Variants in AP1S2 observed in about 807,000 individuals in gnomAD.
The protein encoded by AP1S2 is adaptor related protein complex 1 subunit sigma 2.
In AP1S2, 1 loss-of-function variant was observed where a neutral mutation model predicts 14.3. The ratio of observed to expected loss-of-function variants is 0.07; its 90% CI spans 0.02 to 0.33. The LOEUF (loss-of-function observed/expected upper bound fraction) is 0.33, where lower values mean the gene tolerates loss of function less well. Among genes scored for constraint, AP1S2 ranks in the 10% least tolerant of loss-of-function variants. The pLI, the probability that AP1S2 is intolerant of heterozygous loss-of-function variation, is 0.99. For missense variants in AP1S2, 30 were observed against 117.7 expected (o/e 0.25, Z 3.45); for synonymous variants, 30 against 40.5 (o/e 0.74, Z 0.99).
intron 4 of AP1S2, among the ~76,000 whole-genome samples, chrX:15,829,732 T>TATCTA (rs1555902200): frequency 3.6e-5 from 4 of 111,800 alleles, no homozygotes; most frequent in East Asian, 2.8e-4. Flanking sequence ...GAAAAACTAT[T>TATCTA]ATCTATCTAA....
At chrX:15,833,279 C>T in intron 4 of AP1S2, 7 of 754,534 alleles carry the variant, frequency 9.3e-6, no homozygotes, top group Non-Finnish European at 1.1e-5. Flanking sequence ...ATGAACTACA[C>T]CAGCAATTCT....
At chrX:15,853,201 G>A (rs1434556464) in intron 1 of AP1S2, among the ~76,000 whole-genome samples, 1 of 112,000 alleles carries the variant, frequency 8.9e-6, no homozygotes, top group Non-Finnish European at 1.9e-5. Flanking sequence ...GAAAACAAAC[G>A]TTTAAAAGGC....
intron 4 of AP1S2, chrX:15,830,236 G>A: frequency 1.3e-6 from 1 of 751,272 alleles, no homozygotes; most frequent in Non-Finnish European, 1.6e-6. Context: ...AAAACCAGAT[G>A]AATAATATAT....
intron 4 of AP1S2, among the ~76,000 whole-genome samples, chrX:15,835,998 A>G (rs1189511572): frequency 1.8e-5 from 2 of 110,969 alleles, no homozygotes; most frequent in Admixed American, 9.7e-5. Context: ...CTCACTTGAT[A>G]TACTTTGAGT....
intron 1 of AP1S2, 66 bp downstream of exon 1, chrX:15,854,622 G>T (rs1384183492): frequency 1.2e-5 from 6 of 497,790 alleles, no homozygotes; most frequent in Non-Finnish European, 1.5e-5. Context: ...GTGGCGGGGG[G>T]CGCGCCCAGT....
chrX:15,842,020 C>G (rs961496577), intron 4 of AP1S2, among the ~76,000 whole-genome samples: 2 of 111,530 alleles, frequency 1.8e-5, no homozygotes, highest in Non-Finnish European at 3.8e-5. Context: ...TAGGCTACCT[C>G]TAACCTTTCA....
chrX:15,851,122 A>G (rs1490618111), intron 2 of AP1S2, among the ~76,000 whole-genome samples: 2 of 111,769 alleles, frequency 1.8e-5, no homozygotes, highest in Non-Finnish European at 3.8e-5. Flanking sequence ...GCTTAAAACA[A>G]AACAAAACAA....
intron 4 of AP1S2, among the ~76,000 whole-genome samples, chrX:15,843,760 C>T (rs1933913368): frequency 9.0e-6 from 1 of 111,512 alleles, no homozygotes; most frequent in South Asian, 3.7e-4. Flanking sequence ...ATGAAAAATT[C>T]CCAATTTCTA....
chrX:15,830,157 T>G, intron 4 of AP1S2: 1 of 750,368 alleles, frequency 1.3e-6, no homozygotes. Context: ...AGAAGCAACA[T>G]TTTGTTACAG....
chrX:15,841,515 T>C (rs186991215), intron 4 of AP1S2, among the ~76,000 whole-genome samples: 128 of 112,140 alleles, frequency 1.1e-3, no homozygotes, highest in Non-Finnish European at 1.8e-3. Flanking sequence ...ATTTACAATT[T>C]TGGAAGCAAA....
In AP1S2 at chrX:15,841,273, A is replaced by G. The variant is rs183704139; in HGVS notation, c.426+4106T>C. ...TAAGCATTCTTAAGGATAGAAATGTATATTTCACAAATTAAAAAAAAATCA... is the reference window on the plus strand; with the variant it reads ...TAAGCATTCTTAAGGATAGAAATGTGTATTTCACAAATTAAAAAAAAATCA... On this transcript the variant is annotated intron_variant, in intron 4 of 5. Coordinates refer to ENST00000672987, the MANE Select transcript of AP1S2 (RefSeq NM_001272071.2). Among the ~76,000 whole-genome samples, 84 of 111,518 alleles carry G rather than the reference A, an allele frequency of 7.5e-4. 1 individual carries two copies. The highest frequency in any genetic ancestry group is 2.6e-3 in the African/African-American group (79 of 30,781).
intron 4 of AP1S2, among the ~76,000 whole-genome samples, chrX:15,841,404 C>T (rs1933827555): frequency 9.0e-6 from 1 of 111,311 alleles, no homozygotes; most frequent in Admixed American, 9.6e-5. Context: ...AAAGACCTGA[C>T]ACTAAACAGA....
At chrX:15,840,491 A>G in intron 4 of AP1S2, 1 of 937,050 alleles carries the variant, frequency 1.1e-6, no homozygotes, top group Non-Finnish European at 1.4e-6. Context: ...TAAATTTAGT[A>G]GTTACCAATA....
intron 4 of AP1S2, chrX:15,840,676 A>G (rs1933801852): frequency 2.0e-6 from 1 of 511,163 alleles, no homozygotes; most frequent in African/African-American, 2.4e-5. Flanking sequence ...TTGTCATTAT[A>G]TATGTGTGTG....
intron 3 of AP1S2, 51 bp downstream of exon 3, chrX:15,845,852 G>T: frequency 3.9e-6 from 4 of 1,030,941 alleles, no homozygotes; most frequent in Non-Finnish European, 5.5e-6. Flanking sequence ...TAGAGAAAAG[G>T]TTCCAAAATA....
chrX:15,835,384 T>G (rs73635837), intron 4 of AP1S2, among the ~76,000 whole-genome samples: 1,661 of 111,642 alleles, frequency 0.015, 25 homozygotes, highest in African/African-American at 0.052. Context: ...TGGCAAAGGA[T>G]GCAAAGTCCT....
intron 4 of AP1S2, among the ~76,000 whole-genome samples, chrX:15,834,266 T>G (rs1234120211): frequency 9.6e-6 from 1 of 103,644 alleles, no homozygotes; most frequent in Non-Finnish European, 2.0e-5. Flanking sequence ...CTTTAGATGA[T>G]GTCATTTCTC....
In AP1S2 at chrX:15,852,453, G is replaced by A. The variant is rs1251363534; in HGVS notation, c.72C>T (p.Asp24=). Reference sequence around the variant, plus strand: ...CTCTTGTGATCTTTTTCTTCTCTTTGTCTGATAGTGGGACATACCATTTTT... The same window carrying A: ...CTCTTGTGATCTTTTTCTTCTCTTTATCTGATAGTGGGACATACCATTTTT... The part of the protein sequence containing the change: ...RLQKWYVPLS[D]KEKKKITREL... The change falls in exon 2 of 6, where the codon GAC becomes GAT. Residue 24 remains aspartate, a synonymous_variant. Transcript: ENST00000672987. 4 of 1,209,412 alleles carry A rather than the reference G, an allele frequency of 3.3e-6. No individual in the cohort carries two copies. Among genetic ancestry groups the A allele is most frequent in the African/African-American group, 1.7e-5 (1 of 57,267 alleles).
At chrX:15,837,781 A>C (rs1274948709) in intron 4 of AP1S2, among the ~76,000 whole-genome samples, 2 of 108,710 alleles carry the variant, frequency 1.8e-5, no homozygotes, top group Non-Finnish European at 3.8e-5. Flanking sequence ...TAATTTTTGT[A>C]TTTTTAGTAG....
Sources: gnomAD v4.1 joint callset for allele counts (sites outside exome capture counted in the v4.1 genomes callset) on GRCh38, gnomAD v4.1.1 for gene constraint, MANE v1.5 for transcripts, NCBI Gene and HGNC (gene_info 2026-07-23, HGNC 2026-07-21) for gene names.